RB1CC1: variants seen among roughly 807,000 people sequenced by gnomAD.
The protein encoded by RB1CC1 is RB1-inducible coiled-coil protein 1.
RB1CC1 carries 46 observed loss-of-function variants against 177.5 expected under a neutral mutation model. The observed-to-expected ratio is 0.26, with a 90% confidence interval of 0.20 to 0.33. The LOEUF (loss-of-function observed/expected upper bound fraction) is 0.33. RB1CC1 is among the 10% of genes least tolerant of loss of function. The pLI, the probability that RB1CC1 is intolerant of heterozygous loss-of-function variation, is 1.00. For missense variants in RB1CC1, 1,703 were observed against 1,816.3 expected (o/e 0.94, Z 1.13); for synonymous variants, 666 against 613.6 (o/e 1.09, Z -1.26).
intron 18 of RB1CC1, among the ~76,000 whole-genome samples, chr8:52,637,171 T>C (rs1157088663): frequency 6.6e-6 from 1 of 152,202 alleles, no homozygotes; most frequent in Non-Finnish European, 1.5e-5. Context: ...TGGGGAGGGC[T>C]ACCATCTTAA....
chr8:52,712,705 A>G (rs1857162435), intron 1 of RB1CC1, among the ~76,000 whole-genome samples: 1 of 152,232 alleles, frequency 6.6e-6, no homozygotes, highest in Admixed American at 6.5e-5. Flanking sequence ...CAACGTAAGC[A>G]TTATGTGCCT....
At chr8:52,671,830 G>A (rs1419218356) in intron 7 of RB1CC1, among the ~76,000 whole-genome samples, 3 of 151,876 alleles carry the variant, frequency 2.0e-5, no homozygotes, top group African/African-American at 7.3e-5. Context: ...ATTAAGCCCA[G>A]CATCCAATAG....
chr8:52,628,011 T>C, intron 22 of RB1CC1, 21 bp downstream of exon 22: 2 of 1,539,946 alleles, frequency 1.3e-6, no homozygotes, highest in Non-Finnish European at 1.7e-6. Context: ...GTTTATATTT[T>C]AGTCATGGAA....
intron 22 of RB1CC1, among the ~76,000 whole-genome samples, chr8:52,626,489 T>G (rs190007962): frequency 1.0e-3 from 157 of 152,268 alleles, no homozygotes; most frequent in Admixed American, 3.9e-3. Context: ...ATATCTTAGA[T>G]ACATACACAT....
intron 15 of RB1CC1, among the ~76,000 whole-genome samples, chr8:52,655,458 T>A (rs1851009952): frequency 6.6e-6 from 1 of 151,998 alleles, no homozygotes; most frequent in Non-Finnish European, 1.5e-5. Flanking sequence ...AATAAACATG[T>A]AAAAACACCA....
intron 8 of RB1CC1, among the ~76,000 whole-genome samples, chr8:52,665,752 G>A (rs894545849): frequency 3.3e-5 from 5 of 152,136 alleles, no homozygotes; most frequent in Admixed American, 2.6e-4. Context: ...TAGGATCCAG[G>A]AGAAGAACGA....
At chr8:52,644,427 T>A (rs1225992077) in intron 16 of RB1CC1, among the ~76,000 whole-genome samples, 2 of 152,160 alleles carry the variant, frequency 1.3e-5, no homozygotes, top group Non-Finnish European at 2.9e-5. Flanking sequence ...ATTGTACATG[T>A]GCTTATAAGA....
rs369274741 is a variant in RB1CC1, at chr8:52,676,338, C to T, written c.572+31G>A. On this transcript the variant is annotated intron_variant, in intron 6 of 23. Transcript: ENST00000025008. ...TGATAAATTTCAAAGGCATTTTAAA[C>T]AAATATTATCCATTTTAATGGCAAA... 4.7e-5 allele frequency: 74 copies of T among 1,562,470 alleles called. No homozygotes were observed. The African/African-American group carries it at 9.7e-4, about 20-fold the overall frequency.
intron 1 of RB1CC1, among the ~76,000 whole-genome samples, chr8:52,688,213 G>A (rs1591091645): frequency 6.6e-6 from 1 of 152,282 alleles, no homozygotes; most frequent in Middle Eastern, 3.4e-3. Flanking sequence ...TAGGGAACAA[G>A]GGAAGACAAC....
chr8:52,667,997 C>G, intron 8 of RB1CC1, 24 bp downstream of exon 8: 6 of 1,582,550 alleles, frequency 3.8e-6, no homozygotes, highest in Non-Finnish European at 5.2e-6. Flanking sequence ...ATTCCTTTTC[C>G]TGAGAAAAGT....
chr8:52,624,087 ATT>A (rs1222849349), intron 23 of RB1CC1, among the ~76,000 whole-genome samples: 1 of 151,886 alleles, frequency 6.6e-6, no homozygotes, highest in African/African-American at 2.4e-5. Flanking sequence ...CAGGGAATAT[ATT>A]GAGTGAATAG....
intron 22 of RB1CC1, 85 bp downstream of exon 22, chr8:52,627,947 T>C (rs934826173): frequency 4.1e-6 from 5 of 1,226,150 alleles, no homozygotes; most frequent in South Asian, 1.7e-5. Context: ...TTAATTCTTA[T>C]GTAATTAAAC....
intron 1 of RB1CC1, among the ~76,000 whole-genome samples, chr8:52,703,711 A>G (rs1218405680): frequency 6.6e-6 from 1 of 152,218 alleles, no homozygotes; most frequent in Non-Finnish European, 1.5e-5. Context: ...ATGCCCTGCT[A>G]CACTTTTTTG....
In RB1CC1 at chr8:52,714,141, C is replaced by A; in HGVS notation, c.-233G>T. On this transcript the variant is annotated 5_prime_UTR_variant, in exon 1 of 24. Coordinates refer to ENST00000025008, the MANE Select transcript of RB1CC1 (RefSeq NM_014781.5). Reference sequence around the variant, plus strand: ...AGCGACCCCCGGCACCATCTTCCGCCGCCGCCTAGTCCTCGGCAGCGGTTA... The same window carrying A: ...AGCGACCCCCGGCACCATCTTCCGCAGCCGCCTAGTCCTCGGCAGCGGTTA... 3.3e-6 allele frequency: 1 copy of A among 301,878 alleles called. No individual in the cohort carries two copies. Among genetic ancestry groups the A allele is most frequent in the Non-Finnish European group, 6.9e-6 (1 of 145,390 alleles). The allele number at this position is 301,878 out of a possible 1,614,324, so 18.7% of individuals were successfully genotyped here.
In RB1CC1 at chr8:52,623,353, G is replaced by T; in HGVS notation, c.*429C>A. On this transcript the variant is annotated 3_prime_UTR_variant, in exon 24 of 24. Transcript: ENST00000025008. ...CTGAATAATTTATACATTTTATAAA[G>T]AATGTGTTAAAGAGTGCAAGTATTC... The T allele has an allele frequency of 4.4e-6, 1 of 225,858 alleles. No individual in the cohort carries two copies. 14.0% of individuals were successfully genotyped at this position (225,858 alleles called of 1,614,324 possible).
intron 1 of RB1CC1, among the ~76,000 whole-genome samples, chr8:52,710,548 C>A (rs1236326783): frequency 6.6e-6 from 1 of 152,074 alleles, no homozygotes; most frequent in Non-Finnish European, 1.5e-5. Context: ...TTTGCTTGAA[C>A]TGCATAAAAT....
chr8:52,628,527 G>A (rs1848547382), intron 21 of RB1CC1, among the ~76,000 whole-genome samples: 1 of 152,126 alleles, frequency 6.6e-6, no homozygotes, highest in African/African-American at 2.4e-5. Context: ...AAAATTCAGA[G>A]AGACATCTCA....
At chr8:52,679,639 G>GCTAT (rs1365029202) in intron 5 of RB1CC1, among the ~76,000 whole-genome samples, 3 of 152,178 alleles carry the variant, frequency 2.0e-5, no homozygotes, top group Admixed American at 2.0e-4. Flanking sequence ...ACCCCCTGAA[G>GCTAT]CTATGTCTTG....
chr8:52,673,744 T>C, intron 7 of RB1CC1, 101 bp downstream of exon 7: 1 of 1,109,056 alleles, frequency 9.0e-7, no homozygotes, highest in Non-Finnish European at 1.2e-6. Context: ...CATTTATTTC[T>C]ACTAAAAGGT....
Sources: allele counts gnomAD v4.1 joint callset (sites outside exome capture counted in the v4.1 genomes callset), GRCh38; gene constraint gnomAD v4.1.1; transcripts MANE v1.5; gene names NCBI Gene and HGNC (gene_info 2026-07-23, HGNC 2026-07-21).